The following ANAPC5 variants were observed in gnomAD, a reference collection of about 807,000 sequenced individuals.
The protein encoded by ANAPC5 is anaphase-promoting complex subunit 5.
Under a neutral mutation model 91.3 loss-of-function variants are expected in ANAPC5, and 60 were observed. That is an observed-to-expected ratio of 0.66 (90% CI 0.53 to 0.81). The LOEUF (loss-of-function observed/expected upper bound fraction) is 0.81, where lower values mean the gene tolerates loss of function less well. Ranked by LOEUF, ANAPC5 falls within the 40% of genes least tolerant of loss-of-function variation. The pLI, the probability that ANAPC5 is intolerant of heterozygous loss-of-function variation, is 0.00. For missense variants in ANAPC5, 690 were observed against 931.5 expected (o/e 0.74, Z 3.37); for synonymous variants, 340 against 364.1 (o/e 0.93, Z 0.75).
chr12:121,345,698 C>T (rs1555274584), intron 4 of ANAPC5, 141 bp downstream of exon 4: 1 of 847,364 alleles, frequency 1.2e-6, no homozygotes, highest in African/African-American at 1.7e-5. Context: ...ACTGGTGCAG[C>T]CCTTATCAGT....
At chr12:121,350,597 C>T (rs1285957805) in intron 1 of ANAPC5, among the ~76,000 whole-genome samples, 1 of 151,214 alleles carries the variant, frequency 6.6e-6, no homozygotes, top group Non-Finnish European at 1.5e-5. Context: ...AGGAGAATGG[C>T]GTGAACCCGG....
At chr12:121,317,547 T>A (rs1902419298) in intron 15 of ANAPC5, among the ~76,000 whole-genome samples, 1 of 151,786 alleles carries the variant, frequency 6.6e-6, no homozygotes, top group Non-Finnish European at 1.5e-5. Flanking sequence ...CCACCACACC[T>A]GGCCATGTAC....
At chr12:121,309,071 C>T (rs1025831848) in intron 16 of ANAPC5, among the ~76,000 whole-genome samples, 2 of 150,026 alleles carry the variant, frequency 1.3e-5, no homozygotes, top group African/African-American at 5.0e-5. Context: ...GTCACTTGAA[C>T]CCGGGAGGCA....
At chr12:121,340,231 T>A (rs1409378093) in intron 5 of ANAPC5, among the ~76,000 whole-genome samples, 2 of 147,850 alleles carry the variant, frequency 1.4e-5, no homozygotes, top group Non-Finnish European at 3.0e-5. Flanking sequence ...GGCAGGAGAA[T>A]CGCTTGAACC....
rs1476117452 is a variant in ANAPC5, at chr12:121,330,682, GA to G, written c.1033-11del. ...GCACATAAAGCCAGCTCTGGCAAGA[GA>G]AATCATCAAAATATATCATAACAGT... On this transcript the variant is annotated splice_polypyrimidine_tract_variant and intron_variant, in intron 8 of 16. Transcript: ENST00000261819. 3.1e-6 allele frequency: 5 copies of G among 1,611,356 alleles called. No individual in the cohort carries two copies. Among genetic ancestry groups the G allele is most frequent in the Non-Finnish European group, 4.2e-6 (5 of 1,177,664 alleles).
chr12:121,337,266 G>A (rs1903274486), intron 6 of ANAPC5, 25 bp downstream of exon 6: 1 of 1,581,286 alleles, frequency 6.3e-7, no homozygotes, highest in Non-Finnish European at 8.7e-7. Flanking sequence ...TTCCAACACA[G>A]CAACAAATTC....
At chr12:121,350,996 C>G in intron 1 of ANAPC5, 1 of 399,188 alleles carries the variant, frequency 2.5e-6, no homozygotes, top group South Asian at 1.8e-5. Context: ...TACTATTGTT[C>G]CCATTTTACA....
rs902144802 is a variant in ANAPC5, at chr12:121,335,309, G to A, written c.950+224C>T. On this transcript the variant is annotated intron_variant, in intron 7 of 16. Transcript: ENST00000261819. ...GTCTCCTGAGTAGCTGGGACTACAG[G>A]TGCCTGCCACCACACCTGGCTAATT... 5 of 312,296 alleles carry A rather than the reference G, an allele frequency of 1.6e-5. No individual in the cohort carries two copies. The East Asian group carries it at 3.0e-4, about 19-fold the overall frequency. The allele number at this position is 312,296 out of a possible 1,614,324, so 19.3% of individuals were successfully genotyped here.
intron 11 of ANAPC5, 52 bp from the exon 12 acceptor site, chr12:121,320,511 C>CATCTGTGCATGGTACAGCAGGTG: frequency 1.3e-6 from 2 of 1,506,284 alleles, no homozygotes; most frequent in Non-Finnish European, 9.2e-7. Context: ...GAATCCACAC[C>CATCTGTGCATGGTACAGCAGGTG]TGCTGTACCA....
At chr12:121,309,591 C>T (rs554173838) in intron 16 of ANAPC5, 110 bp downstream of exon 16, 1 of 1,307,624 alleles carries the variant, frequency 7.6e-7, no homozygotes, top group African/African-American at 1.5e-5. Context: ...TTTGTGAACA[C>T]TCAGAACTTA....
At position 121,327,952 on chromosome 12, in the gene ANAPC5, C is replaced by A. The variant is rs115493583; in HGVS notation, c.1304+364G>T. On this transcript the variant is annotated intron_variant, in intron 10 of 16. Coordinates refer to ENST00000261819, the MANE Select transcript of ANAPC5 (RefSeq NM_016237.5). ...AAACAGGAAGGTTCCTGTCACAGAG[C>A]AGAGGAGCCCGGTGCTTGGAGTCAG... 9.2e-3 allele frequency: 1,789 copies of A among 194,560 alleles called. 28 individuals are homozygous for A. The highest frequency in any genetic ancestry group is 0.039 in the African/African-American group (1,673 of 42,818). The allele number at this position is 194,560 out of a possible 1,614,324, so 12.1% of individuals were successfully genotyped here. A position where few individuals can be genotyped will look rare whatever the true frequency, so the allele number is the denominator to read the frequency against.
At chr12:121,352,707 G>GGTTGTTGTT (rs201395836), upstream of ANAPC5, among the ~76,000 whole-genome samples, 4 of 109,244 alleles carry the variant, frequency 3.7e-5, no homozygotes, top group African/African-American at 9.3e-5. Context: ...TTTTGTTGTT[G>GGTTGTTGTT]GTTGTTGTTG....
chr12:121,316,028 T>C (rs559125751), intron 15 of ANAPC5, among the ~76,000 whole-genome samples: 1 of 152,144 alleles, frequency 6.6e-6, no homozygotes, highest in Admixed American at 6.5e-5. Flanking sequence ...GAGAAAATAT[T>C]TGTAAATTAT....
At chr12:121,340,215 G>A (rs2136805971) in intron 5 of ANAPC5, among the ~76,000 whole-genome samples, 1 of 150,930 alleles carries the variant, frequency 6.6e-6, no homozygotes. Context: ...CTACTTAGGA[G>A]GCTGAGGCAG....
chr12:121,318,942 C>T (rs1902482838), intron 13 of ANAPC5, among the ~76,000 whole-genome samples: 1 of 152,084 alleles, frequency 6.6e-6, no homozygotes, highest in Non-Finnish European at 1.5e-5. Flanking sequence ...ATCGCTTGAA[C>T]CCAGGAGGCA....
At chr12:121,346,285 C>T (rs1428633591) in intron 3 of ANAPC5, 7 of 373,922 alleles carry the variant, frequency 1.9e-5, no homozygotes, top group Non-Finnish European at 2.9e-5. Context: ...TTCTTCATGG[C>T]TGTTACACTA....
upstream of ANAPC5, among the ~76,000 whole-genome samples, chr12:121,353,261 T>A (rs1903975705): frequency 6.6e-6 from 1 of 152,186 alleles, no homozygotes; most frequent in African/African-American, 2.4e-5. Flanking sequence ...ATTTTGAACC[T>A]GATTTTTCAC....
intron 5 of ANAPC5, among the ~76,000 whole-genome samples, chr12:121,339,603 T>C (rs2136804409): frequency 6.6e-6 from 1 of 152,182 alleles, no homozygotes; most frequent in South Asian, 2.1e-4. Flanking sequence ...CCCAAGTAGC[T>C]GGGACGACAG....
rs1026092762 is a variant in ANAPC5 at position 121,351,306 on chromosome 12, G to A, written c.207+828C>T. The A allele has an allele frequency of 9.7e-6, 3 of 309,446 alleles. No individual in the cohort carries two copies. The Admixed American group carries it at 1.4e-4, about 14-fold the overall frequency. The allele number at this position is 309,446 out of a possible 1,614,324, so 19.2% of individuals were successfully genotyped here. ...GAGGATCACCTGAGCCTGAGAGGTC[G>A]AGGCTGCAGTGAGCCGCGATCACAC... On this transcript the variant is annotated intron_variant, in intron 1 of 16. Coordinates refer to ENST00000261819, the MANE Select transcript of ANAPC5 (RefSeq NM_016237.5).
Sources: gnomAD v4.1 joint callset for allele counts (sites outside exome capture counted in the v4.1 genomes callset) on GRCh38, gnomAD v4.1.1 for gene constraint, MANE v1.5 for transcripts, NCBI Gene and HGNC (gene_info 2026-07-23, HGNC 2026-07-21) for gene names.